The following IRX3 variants were observed in gnomAD, a reference collection of about 807,000 sequenced individuals.
The protein encoded by IRX3 is iroquois-class homeodomain protein IRX-3.
Under a neutral mutation model 36.4 loss-of-function variants are expected in IRX3, and 20 were observed. The ratio of observed to expected loss-of-function variants is 0.55; its 90% CI spans 0.39 to 0.80. IRX3 has a LOEUF of 0.80. IRX3 is among the 30% of genes least tolerant of loss of function. The probability of loss-of-function intolerance (pLI) is 0.00; values close to 1 mark genes in which losing one functional copy is unlikely to be tolerated. For synonymous variants in IRX3, 404 were observed against 351.6 expected (o/e 1.15, Z -1.67); for missense variants, 718 against 733.2 (o/e 0.98, Z 0.24).
rs1349388127 is a variant in IRX3 at position 54,286,625 on chromosome 16, T to TTC, written c.-577_-576dup. On this transcript the variant is annotated 5_prime_UTR_variant, in exon 1 of 4. Transcript: ENST00000329734. ...GGCTTTTGCTCTCCGGTCCGTTCCC[T>TTC]TCACTTCTTCCTTTCTCACTACTTC... The TTC allele has an allele frequency of 6.5e-6, 1 of 153,378 alleles. No individual in the cohort carries two copies. The highest frequency in any genetic ancestry group is 2.4e-5 in the African/African-American group (1 of 41,466). 9.5% of individuals were successfully genotyped at this position (153,378 alleles called of 1,614,324 possible).
chr16:54,284,536 C>T lies in IRX3; in HGVS notation c.1345G>A (p.Ala449Thr). Reference sequence around the variant, plus strand: ...GGCTCCGCTGGCCGAGCGAAGGCGGCGGCGGCAGCCGGGTGGCCCGCGGCT... The same window carrying T: ...GGCTCCGCTGGCCGAGCGAAGGCGGTGGCGGCAGCCGGGTGGCCCGCGGCT... ...PGAAGHPAAA[A>T]AFARPAEPEG... Residue 449 changes from alanine (A) to threonine (T), a missense_variant, in exon 2 of 4, where the codon GCC becomes ACC. Coordinates refer to ENST00000329734, the MANE Select transcript of IRX3 (RefSeq NM_024336.3). This position sits in a 1 kb window ranked among gnomAD's most constrained non-coding sequence, Gnocchi z 4.0. 2 of 1,416,878 alleles carry T rather than the reference C, an allele frequency of 1.4e-6. No individual in the cohort carries two copies. Among genetic ancestry groups the T allele is most frequent in the Non-Finnish European group, 1.8e-6 (2 of 1,095,690 alleles). The allele number at this position is 1,416,878 out of a possible 1,614,324, so 87.8% of individuals were successfully genotyped here. A position where few individuals can be genotyped will look rare whatever the true frequency, so the allele number is the denominator to read the frequency against.
chr16:54,285,938 G>A lies in IRX3; in HGVS notation c.113C>T (p.Ala38Val), dbSNP rs538043692. ...GSAGARGGLGAGASELNASGS... is the reference protein window; with the variant it reads ...GSAGARGGLGVGASELNASGS... The stretch of plus-strand genomic sequence containing the variant: ...CGAGGCGTTCAGCTCCGAGGCTCCG[G>A]CACCCAGGCCGCCCCGGGCCCCCGC... The change falls in exon 1 of 4, where the codon GCC becomes GTC. Residue 38 changes from alanine to valine, a missense_variant. Transcript: ENST00000329734. This position sits in a 1 kb window ranked among gnomAD's most constrained non-coding sequence, Gnocchi z 5.7. 5,076 of 1,466,530 alleles carry A rather than the reference G, an allele frequency of 3.5e-3. 20 individuals are homozygous for A. The highest frequency in any genetic ancestry group is 0.01 in the Middle Eastern group (46 of 4,554). The allele number at this position is 1,466,530 out of a possible 1,614,324, so 90.8% of individuals were successfully genotyped here. A position where few individuals can be genotyped will look rare whatever the true frequency, so the allele number is the denominator to read the frequency against.
At position 54,284,867 on chromosome 16, in the gene IRX3, T is replaced by C; in HGVS notation, c.1014A>G (p.Pro338=). The C allele has an allele frequency of 6.5e-7, 1 of 1,545,392 alleles. No homozygotes were observed. The highest frequency in any genetic ancestry group is 8.7e-7 in the Non-Finnish European group (1 of 1,148,316). The change falls in exon 2 of 4, where the codon CCA becomes CCG. Residue 338 remains proline (P), a synonymous_variant. Coordinates refer to ENST00000329734, the MANE Select transcript of IRX3 (RefSeq NM_024336.3). This position sits in a 1 kb window ranked among gnomAD's most constrained non-coding sequence, Gnocchi z 4.0. ...GCTTCTGCAGGGCGGAGGCGGGGGC[T>C]GGTGCGGGAGCGCAGGGGTCCAGGC... The part of the protein sequence containing the change: ...PVSLDPCAPA[P]APASALQKPK...
In IRX3 at chr16:54,284,709, G is replaced by A. The variant is rs970888743; in HGVS notation, c.1172C>T (p.Ala391Val). Residue 391 changes from alanine (A) to valine (V), a missense_variant, in exon 2 of 4, where the codon GCC becomes GTC. This residue lies in a region of IRX3 where 468 missense variants were observed against 462.1 expected (regional missense o/e 1.01). Transcript: ENST00000329734. This position sits in a 1 kb window ranked among gnomAD's most constrained non-coding sequence, Gnocchi z 4.0. ...TGAGACCAGTCTGTGAGCGGCGGCGGCGGCGGCGGCCGGAGAGAGCTGCAG... is the reference window on the plus strand; with the variant it reads ...TGAGACCAGTCTGTGAGCGGCGGCGACGGCGGCGGCCGGAGAGAGCTGCAG... ...SALQLSPAAA[A>V]AAAHRLVSAP... is the part of the protein sequence containing the mutation. 28 of 1,427,586 alleles carry A rather than the reference G, an allele frequency of 2.0e-5. No individual in the cohort carries two copies. In the South Asian group the frequency reaches 4.2e-4, roughly 21 times the overall value. The allele number at this position is 1,427,586 out of a possible 1,614,324, so 88.4% of individuals were successfully genotyped here.
chr16:54,283,516 T>C lies in IRX3; in HGVS notation c.*170A>G, dbSNP rs1901223921. On this transcript the variant is annotated 3_prime_UTR_variant, in exon 4 of 4. Transcript: ENST00000329734. The surrounding 1 kb of genome is among the most constrained non-coding windows in gnomAD (Gnocchi z 4.4). Reference sequence around the variant, plus strand: ...GCCACAGAAGCGACTTGGGGAGGGCTGAGGAGGACTGGTTTTATTTCTTTT... The same window carrying C: ...GCCACAGAAGCGACTTGGGGAGGGCCGAGGAGGACTGGTTTTATTTCTTTT... The C allele has an allele frequency of 1.9e-6, 1 of 534,210 alleles. No individual in the cohort carries two copies. Among genetic ancestry groups the C allele is most frequent in the Non-Finnish European group, 3.4e-6 (1 of 293,656 alleles). 33.1% of individuals were successfully genotyped at this position (534,210 alleles called of 1,614,324 possible). A position where few individuals can be genotyped will look rare whatever the true frequency, so the allele number is the denominator to read the frequency against.
At position 54,286,261 on chromosome 16, in the gene IRX3, C is replaced by G. The variant is rs1287740949; in HGVS notation, c.-211G>C. 7.0e-6 allele frequency: 7 copies of G among 1,006,306 alleles called. No individual in the cohort carries two copies. The highest frequency in any genetic ancestry group is 8.3e-6 in the Non-Finnish European group (7 of 844,414). 62.3% of individuals were successfully genotyped at this position (1,006,306 alleles called of 1,614,324 possible). A position where few individuals can be genotyped will look rare whatever the true frequency, so the allele number is the denominator to read the frequency against. On this transcript the variant is annotated 5_prime_UTR_variant, in exon 1 of 4. Transcript: ENST00000329734. ...CGGCGGCGAGGAGCCAGGTCAGGTC[C>G]GAACAGATTGGCGGAGATTCCCGGG...
At position 54,284,557 on chromosome 16, in the gene IRX3, C is replaced by A; in HGVS notation, c.1324G>T (p.Ala442Ser). 7.1e-7 allele frequency: 1 copy of A among 1,417,032 alleles called. No homozygotes were observed. The highest frequency in any genetic ancestry group is 9.1e-7 in the Non-Finnish European group (1 of 1,096,094). 87.8% of individuals were successfully genotyped at this position (1,417,032 alleles called of 1,614,324 possible). A position where few individuals can be genotyped will look rare whatever the true frequency, so the allele number is the denominator to read the frequency against. The change falls in exon 2 of 4, where the codon GCG (alanine) becomes TCG (serine). Residue 442 changes from alanine to serine, a missense_variant. Transcript: ENST00000329734. The surrounding 1 kb of genome is among the most constrained non-coding windows in gnomAD (Gnocchi z 4.0). ...GCGGCGGCGGCAGCCGGGTGGCCCG[C>A]GGCTCCGGGAAGTCCCAGCAGGTGC... ...PPHLLGLPGA[A>S]GHPAAAAAFA...
Position 54,286,130 on chromosome 16 carries a change from G to T in IRX3, c.-80C>A. 1 of 1,160,556 alleles carries T rather than the reference G, an allele frequency of 8.6e-7. No individual in the cohort carries two copies. The highest frequency in any genetic ancestry group is 4.2e-5 in the South Asian group (1 of 23,532). The allele number at this position is 1,160,556 out of a possible 1,614,324, so 71.9% of individuals were successfully genotyped here. A position where few individuals can be genotyped will look rare whatever the true frequency, so the allele number is the denominator to read the frequency against. ...CAGCGCCGCCCGCGGGCTCCGGCGCGCATCGGGGGCTGGGCCGGGCTTGGG... is the reference window on the plus strand; with the variant it reads ...CAGCGCCGCCCGCGGGCTCCGGCGCTCATCGGGGGCTGGGCCGGGCTTGGG... On this transcript the variant is annotated 5_prime_UTR_variant, in exon 1 of 4. Coordinates refer to ENST00000329734, the MANE Select transcript of IRX3 (RefSeq NM_024336.3).
Position 54,286,528 on chromosome 16 carries a change from G to C in IRX3, c.-478C>G, listed in dbSNP as rs753107001. On this transcript the variant is annotated 5_prime_UTR_variant, in exon 1 of 4. Transcript: ENST00000329734. ...CCCCAGGATCGCTTCCGCTGCTTCG[G>C]GCTCCTGCACTGCCCTGGACGCTAT... 2.2e-4 allele frequency: 74 copies of C among 329,680 alleles called. No homozygotes were observed. The highest frequency in any genetic ancestry group is 2.8e-4 in the Non-Finnish European group (65 of 230,914). 20.4% of individuals were successfully genotyped at this position (329,680 alleles called of 1,614,324 possible).
chr16:54,284,775 G>A lies in IRX3; in HGVS notation c.1106C>T (p.Ala369Val). Residue 369 changes from alanine to valine, a missense_variant, in exon 2 of 4, where the codon GCG (alanine) becomes GTG (valine). This residue lies in a region of IRX3 where 468 missense variants were observed against 462.1 expected (regional missense o/e 1.01). Coordinates refer to ENST00000329734, the MANE Select transcript of IRX3 (RefSeq NM_024336.3). This position sits in a 1 kb window ranked among gnomAD's most constrained non-coding sequence, Gnocchi z 4.0. Reference protein sequence around the residue: ...PDNPRRSPPGAGGSPPGAAVA... With the variant: ...PDNPRRSPPGVGGSPPGAAVA... The stretch of plus-strand genomic sequence containing the variant: ...CGCTGCCCCCGGTGGAGACCCCCCC[G>A]CGCCGGGAGGCGAGCGGCGCGGGTT... 6.9e-7 allele frequency: 1 copy of A among 1,459,722 alleles called. No individual in the cohort carries two copies. The highest frequency in any genetic ancestry group is 8.9e-7 in the Non-Finnish European group (1 of 1,118,168). 90.4% of individuals were successfully genotyped at this position (1,459,722 alleles called of 1,614,324 possible). A position where few individuals can be genotyped will look rare whatever the true frequency, so the allele number is the denominator to read the frequency against.
Position 54,286,083 on chromosome 16 carries a change from C to T in IRX3, c.-33G>A. ...CGCGGGGCACGGACGGAGAGGGGGG[C>T]CGACCCCCGGGCCGCCCAGCTCAGC... On this transcript the variant is annotated 5_prime_UTR_variant, in exon 1 of 4. Transcript: ENST00000329734. 1.6e-6 allele frequency: 2 copies of T among 1,228,870 alleles called. No individual in the cohort carries two copies. Among genetic ancestry groups the T allele is most frequent in the Non-Finnish European group, 2.0e-6 (2 of 978,616 alleles). The allele number at this position is 1,228,870 out of a possible 1,614,324, so 76.1% of individuals were successfully genotyped here.
Position 54,284,088 on chromosome 16 carries a change from C to A in IRX3, c.1451+158G>T. The A allele has an allele frequency of 8.9e-7, 1 of 1,122,324 alleles. No homozygotes were observed. Among genetic ancestry groups the A allele is most frequent in the East Asian group, 2.6e-5 (1 of 38,154 alleles). 69.5% of individuals were successfully genotyped at this position (1,122,324 alleles called of 1,614,324 possible). A position where few individuals can be genotyped will look rare whatever the true frequency, so the allele number is the denominator to read the frequency against. On this transcript the variant is annotated intron_variant, in intron 3 of 3. Transcript: ENST00000329734. This position sits in a 1 kb window ranked among gnomAD's most constrained non-coding sequence, Gnocchi z 4.0. Reference sequence around the variant, plus strand: ...ACCTGGAGAGCTGTCGCAGGGCCGACAGGGGCGACTGAAAAAGTGACTTTC... The same window carrying A: ...ACCTGGAGAGCTGTCGCAGGGCCGAAAGGGGCGACTGAAAAAGTGACTTTC...
Position 54,284,922 on chromosome 16 carries a change from G to C in IRX3, c.959C>G (p.Ala320Gly), listed in dbSNP as rs1409933260. The change falls in exon 2 of 4, where the codon GCC (alanine) becomes GGC (glycine). Residue 320 changes from alanine (A) to glycine (G), a missense_variant. By Grantham distance (60) the Ala-to-Gly change is moderately conservative. This residue lies in a region of IRX3 where 468 missense variants were observed against 462.1 expected (regional missense o/e 1.01). Transcript: ENST00000329734. This position sits in a 1 kb window ranked among gnomAD's most constrained non-coding sequence, Gnocchi z 4.0. Reference protein sequence around the residue: ...LAPAPPPVAVASPSLPSPPVS... With the variant: ...LAPAPPPVAVGSPSLPSPPVS... ...GGGGGGCGACGGCAGAGACGGCGAG[G>C]CCACGGCCACTGGTGGTGGCGCTGG... 3 of 1,595,506 alleles carry C rather than the reference G, an allele frequency of 1.9e-6. No individual in the cohort carries two copies. Among genetic ancestry groups the C allele is most frequent in the East Asian group, 2.3e-5 (1 of 44,290 alleles).
Position 54,286,596 on chromosome 16 carries a change from C to G in IRX3, c.-546G>C, listed in dbSNP as rs2144733582. ...TCTCCCCTTCTCTTTCCCTTTCTCA[C>G]GAGGGCTTTTGCTCTCCGGTCCGTT... On this transcript the variant is annotated 5_prime_UTR_variant, in exon 1 of 4. Coordinates refer to ENST00000329734, the MANE Select transcript of IRX3 (RefSeq NM_024336.3). The G allele has an allele frequency of 6.3e-6, 1 of 157,922 alleles. No individual in the cohort carries two copies. Among genetic ancestry groups the G allele is most frequent in the South Asian group, 2.0e-4 (1 of 4,918 alleles). 9.8% of individuals were successfully genotyped at this position (157,922 alleles called of 1,614,324 possible). A position where few individuals can be genotyped will look rare whatever the true frequency, so the allele number is the denominator to read the frequency against.
In IRX3 at chr16:54,284,467, C is replaced by G. The variant is rs1203670747; in HGVS notation, c.1384+30G>C. ...TCCGGCACTACCCGCAGAGCCCGCC[C>G]CCGCTCCGCGCCCAGCGCTCAGCAG... On this transcript the variant is annotated intron_variant, in intron 2 of 3. Transcript: ENST00000329734. The surrounding 1 kb of genome is among the most constrained non-coding windows in gnomAD (Gnocchi z 4.0). The G allele has an allele frequency of 7.2e-7, 1 of 1,393,248 alleles. No individual in the cohort carries two copies. Among genetic ancestry groups the G allele is most frequent in the Non-Finnish European group, 9.2e-7 (1 of 1,083,918 alleles). 86.3% of individuals were successfully genotyped at this position (1,393,248 alleles called of 1,614,324 possible). A position where few individuals can be genotyped will look rare whatever the true frequency, so the allele number is the denominator to read the frequency against.
In IRX3 at chr16:54,283,911, G is replaced by C. The variant is rs1901238700; in HGVS notation, c.1452-171C>G. The C allele has an allele frequency of 1.0e-6, 1 of 985,402 alleles. No individual in the cohort carries two copies. The highest frequency in any genetic ancestry group is 1.2e-6 in the Non-Finnish European group (1 of 829,916). The allele number at this position is 985,402 out of a possible 1,614,324, so 61.0% of individuals were successfully genotyped here. ...TGGGGTTTAACTGTAGGGTGGGCAC[G>C]AGGCGTCAGGACCCGAGGTCTGGGG... On this transcript the variant is annotated intron_variant, in intron 3 of 3. Transcript: ENST00000329734. The surrounding 1 kb of genome is among the most constrained non-coding windows in gnomAD (Gnocchi z 4.4).
rs867337593 is a variant in IRX3 at position 54,285,984 on chromosome 16, C to T, written c.67G>A (p.Ala23Thr). 2.9e-6 allele frequency: 4 copies of T among 1,370,680 alleles called. No individual in the cohort carries two copies. The highest frequency in any genetic ancestry group is 3.7e-5 in the South Asian group (2 of 53,954). 84.9% of individuals were successfully genotyped at this position (1,370,680 alleles called of 1,614,324 possible). ...PLYPSERPGA[A>T]GGSGGSAGAR... ...CCCGCGCTGCCGCCGCTGCCGCCAGCGGCCCCCGGGCGCTCGGACGGGTAA... is the reference window on the plus strand; with the variant it reads ...CCCGCGCTGCCGCCGCTGCCGCCAGTGGCCCCCGGGCGCTCGGACGGGTAA... Residue 23 changes from alanine to threonine, a missense_variant, in exon 1 of 4, where the codon GCT becomes ACT. By Grantham distance (58) the Ala-to-Thr change is moderately conservative (BLOSUM62 0). This residue lies in a region of IRX3 where 204 missense variants were observed against 181.4 expected (regional missense o/e 1.12). Transcript: ENST00000329734. This position sits in a 1 kb window ranked among gnomAD's most constrained non-coding sequence, Gnocchi z 5.7.
rs1000679908 is a variant in IRX3 at position 54,284,053 on chromosome 16, C to T, written c.1451+193G>A. ...GTACCCTCCGGCCGCGCCTGGGGTG[C>T]CTGGGCTGGACCTGGAGAGCTGTCG... On this transcript the variant is annotated intron_variant, in intron 3 of 3. Coordinates refer to ENST00000329734, the MANE Select transcript of IRX3 (RefSeq NM_024336.3). This position sits in a 1 kb window ranked among gnomAD's most constrained non-coding sequence, Gnocchi z 4.0. 34 of 1,266,660 alleles carry T rather than the reference C, an allele frequency of 2.7e-5. No homozygotes were observed. Among genetic ancestry groups the T allele is most frequent in the South Asian group, 6.3e-5 (4 of 63,216 alleles). 78.5% of individuals were successfully genotyped at this position (1,266,660 alleles called of 1,614,324 possible).
chr16:54,284,541 G>A lies in IRX3; in HGVS notation c.1340C>T (p.Ala447Val). ...GLPGAAGHPAAAAAFARPAEP... is the reference protein window; with the variant it reads ...GLPGAAGHPAVAAAFARPAEP... The stretch of plus-strand genomic sequence containing the variant: ...CGCTGGCCGAGCGAAGGCGGCGGCG[G>A]CAGCCGGGTGGCCCGCGGCTCCGGG... Residue 447 changes from alanine (A) to valine (V), a missense_variant, in exon 2 of 4, where the codon GCC (alanine) becomes GTC (valine). Coordinates refer to ENST00000329734, the MANE Select transcript of IRX3 (RefSeq NM_024336.3). The surrounding 1 kb of genome is among the most constrained non-coding windows in gnomAD (Gnocchi z 4.0). 1 of 1,419,150 alleles carries A rather than the reference G, an allele frequency of 7.0e-7. No homozygotes were observed. 87.9% of individuals were successfully genotyped at this position (1,419,150 alleles called of 1,614,324 possible).
Sources: allele counts gnomAD v4.1 joint callset, GRCh38; gene constraint gnomAD v4.1.1; regional missense constraint gnomAD v4.1.1; non-coding constraint Gnocchi (gnomAD v3.1); transcripts MANE v1.5; gene names NCBI Gene and HGNC (gene_info 2026-07-23, HGNC 2026-07-21).